The following MADD variants were observed in gnomAD, a reference collection of about 807,000 sequenced individuals.
MADD encodes the protein MAP kinase activating death domain, also known as MAP kinase-activating death domain protein.
Under a neutral mutation model 176.7 loss-of-function variants are expected in MADD, and 109 were observed. The observed-to-expected ratio is 0.62, with a 90% CI of 0.53 to 0.72. The LOEUF is 0.72. Ranked by LOEUF, MADD falls within the 30% of genes least tolerant of loss-of-function variation. The pLI is 0.00. For missense variants in MADD, 1,914 were observed against 2,045.5 expected, an observed-to-expected ratio of 0.94 and a Z score of 1.24; for synonymous variants, 771 against 771.3, an observed-to-expected ratio of 1.00 and a Z score of 0.01.
chr11:47,272,753 G>C (rs698925), intron 1 of MADD, among the ~76,000 whole-genome samples: 151,721 of 152,354 alleles, frequency 1, 75,546 homozygotes, highest in Middle Eastern at 1. Context: ...CTCTGAGCAC[G>C]TCTCCCTGTC....
chr11:47,292,671 T>C, intron 19 of MADD, 75 bp downstream of exon 21: 2 of 1,470,872 alleles, frequency 1.4e-6, no homozygotes, highest in Non-Finnish European at 9.5e-7. Context: ...TGGGGCAGGC[T>C]CCCTTTGTCA....
At position 47,286,914 on chromosome 11, in the gene MADD, A is replaced by G. The variant is rs1164214420; in HGVS notation, c.2653+380A>G. On this transcript the variant is annotated intron_variant, in intron 15 of 32. Transcript: ENST00000402192. Reference sequence around the variant, plus strand: ...CTGGCCCACCAGAGAATGGTTATGGAGAGCCTGGCAGCGTTCATAGAGCAC... The same window carrying G: ...CTGGCCCACCAGAGAATGGTTATGGGGAGCCTGGCAGCGTTCATAGAGCAC... 3.3e-5 allele frequency among the ~76,000 whole-genome samples: 5 copies of G among 152,210 alleles called. No homozygotes were observed. The South Asian group carries it at 6.2e-4, about 19-fold the overall frequency.
Position 47,288,395 on chromosome 11 carries a change from G to C in MADD, c.2654-996G>C, listed in dbSNP as rs545943379. 2.0e-5 allele frequency among the ~76,000 whole-genome samples: 3 copies of C among 152,388 alleles called. No individual in the cohort carries two copies. In the South Asian group the frequency reaches 6.2e-4, roughly 32 times the overall value. On this transcript the variant is annotated intron_variant, in intron 15 of 32. Coordinates refer to ENST00000402192, the Ensembl canonical transcript of MADD. ...GGGCAAAAGGACATCAGAGCTGGCA[G>C]TGAAAGGAGCGAACTAGCACTGCCA... is the stretch of plus-strand genomic sequence containing the variant.
chr11:47,289,578 G>A, intron 16 of MADD, 85 bp downstream of exon 17: 1 of 1,123,048 alleles, frequency 8.9e-7, no homozygotes, highest in Non-Finnish European at 1.4e-6. Flanking sequence ...CTCAAGAGTG[G>A]GAGAGAAGCT....
intron 26 of MADD, among the ~76,000 whole-genome samples, chr11:47,313,035 C>T (rs1380891521): frequency 1.3e-5 from 2 of 152,144 alleles, no homozygotes; most frequent in African/African-American, 4.8e-5. Flanking sequence ...TCAGAGTACC[C>T]AACTGGCAGA....
intron 7 of MADD, 82 bp from the exon 8 acceptor site, chr11:47,281,493 G>A: frequency 8.6e-7 from 1 of 1,167,624 alleles, no homozygotes; most frequent in Non-Finnish European, 1.2e-6. Flanking sequence ...GCAGACCTTA[G>A]GAAGGCCTTT....
intron 27 of MADD, among the ~76,000 whole-genome samples, chr11:47,319,865 G>A (rs189984939): frequency 1.4e-4 from 21 of 151,884 alleles, no homozygotes; most frequent in Non-Finnish European, 1.8e-4. Context: ...TTGGGCAGGC[G>A]CCTGCAATCC....
rs573977651 is a variant in MADD at position 47,311,857 on chromosome 11, C to A, written c.4089+15C>A. 9.6e-6 allele frequency: 15 copies of A among 1,560,412 alleles called. No individual in the cohort carries two copies. The South Asian group carries it at 1.6e-4, about 16-fold the overall frequency. On this transcript the variant is annotated intron_variant, in intron 26 of 32. Transcript: ENST00000402192. ...TGGCGAACCTGGTAAGCACGTCTGGCCACCCCTTAGGCTTCCCCATGGGTC... is the reference window on the plus strand; with the variant it reads ...TGGCGAACCTGGTAAGCACGTCTGGACACCCCTTAGGCTTCCCCATGGGTC...
intron 1 of MADD, chr11:47,271,121 A>T (rs1427217837): frequency 6.6e-6 from 1 of 152,212 alleles, no homozygotes; most frequent in South Asian, 2.1e-4. Context: ...CAGCAGATAG[A>T]TATGCATTTT....
Position 47,292,514 on chromosome 11 carries a change from C to T in MADD, c.3302-1369C>T, listed in dbSNP as rs751745750. 4.3e-6 allele frequency: 7 copies of T among 1,609,786 alleles called. No individual in the cohort carries two copies. In the East Asian group the frequency reaches 6.7e-5, roughly 15 times the overall value. On this transcript the variant is annotated intron_variant, in intron 19 of 32. Coordinates refer to ENST00000402192, the Ensembl canonical transcript of MADD. ...GACCAGCCTCTGACTTTCTGTCTTTCTCTCCTGCTTGCATTGCATCTGGGG... is the reference window on the plus strand; with the variant it reads ...GACCAGCCTCTGACTTTCTGTCTTTTTCTCCTGCTTGCATTGCATCTGGGG...
intron 30 of MADD, among the ~76,000 whole-genome samples, chr11:47,326,006 T>C (rs1187115485): frequency 6.6e-6 from 1 of 152,208 alleles, no homozygotes; most frequent in Non-Finnish European, 1.5e-5. Context: ...GACCTCCTGG[T>C]GGAGCTGTGC....
At chr11:47,290,781 G>A in exon 19 of MADD, 1 of 1,613,368 alleles carries the variant, frequency 6.2e-7, no homozygotes, top group South Asian at 1.1e-5. Context: ...CTGGACACCA[G>A]AAGTTTAAAG....
At position 47,284,396 on chromosome 11, in the gene MADD, C is replaced by T. The variant is rs772422485; in HGVS notation, c.1988C>T (p.Ala663Val). Residue 663 changes from alanine to valine, a missense_variant, in exon 12 of 33, where the codon GCA becomes GTA. Coordinates refer to ENST00000402192, the Ensembl canonical transcript of MADD. ...GCAGATGTGGACCCTCTGACACATG[C>T]AGCACTGGGGGATGCCAGCGAGGTG... 12 of 1,614,120 alleles carry T rather than the reference C, an allele frequency of 7.4e-6. No individual in the cohort carries two copies. The highest frequency in any genetic ancestry group is 1.6e-4 in the Middle Eastern group (1 of 6,062).
intron 19 of MADD, among the ~76,000 whole-genome samples, chr11:47,291,726 T>A: frequency 6.6e-6 from 1 of 152,144 alleles, no homozygotes; most frequent in East Asian, 1.9e-4. Flanking sequence ...GGAGTTTTAG[T>A]CCCATATCAG....
At chr11:47,282,068 C>T (rs2057320297) in intron 8 of MADD, among the ~76,000 whole-genome samples, 1 of 151,974 alleles carries the variant, frequency 6.6e-6, no homozygotes, top group African/African-American at 2.4e-5. Context: ...CTCCTGACCT[C>T]AGTTGATCCA....
rs749770997 is a variant in MADD at position 47,289,423 on chromosome 11, T to G, written c.2686T>G (p.Ser896Ala). The stretch of plus-strand genomic sequence containing the variant: ...GAGGGCGTTAGTGGATCAGAAGTCA[T>G]CTGTCATTAAACACAGCCCAACAGT... The change falls in exon 16 of 33, where the codon TCT becomes GCT. Residue 896 changes from serine (S) to alanine (A), a missense_variant. Ser to Ala is a moderately conservative substitution (Grantham distance 99). This residue lies in a region of MADD where 1,767 missense variants were observed against 1,836.0 expected (regional missense o/e 0.96). Coordinates refer to ENST00000402192, the Ensembl canonical transcript of MADD. The G allele has an allele frequency of 1.9e-6, 3 of 1,614,042 alleles. No individual in the cohort carries two copies. The East Asian group carries it at 6.7e-5, about 36-fold the overall frequency.
chr11:47,288,587 C>G (rs1350863992), intron 15 of MADD, among the ~76,000 whole-genome samples: 1 of 152,224 alleles, frequency 6.6e-6, no homozygotes, highest in South Asian at 2.1e-4. Flanking sequence ...TCCTCATACC[C>G]TGACCCCACT....
intron 27 of MADD, among the ~76,000 whole-genome samples, chr11:47,315,675 A>G (rs900784826): frequency 6.6e-6 from 1 of 151,994 alleles, no homozygotes; most frequent in South Asian, 2.1e-4. Context: ...GGGTTTGATC[A>G]TGTTGGCCAG....
Position 47,323,962 on chromosome 11 carries a change from G to GTCTCCA in MADD, c.4362+127_4362+128insTCTCCA, listed in dbSNP as rs2094994169. The GTCTCCA allele has an allele frequency of 2.8e-6, 3 of 1,078,250 alleles. No individual in the cohort carries two copies. The South Asian group carries it at 4.7e-5, about 17-fold the overall frequency. 66.8% of individuals were successfully genotyped at this position (1,078,250 alleles called of 1,614,324 possible). On this transcript the variant is annotated intron_variant, in intron 28 of 32. Transcript: ENST00000402192. Reference sequence around the variant, plus strand: ...ACACTTCTGTCTCCAGCTGTTGGGTGGAGTACCTAAAGCTGTCTCTGTCAA... The same window carrying GTCTCCA: ...ACACTTCTGTCTCCAGCTGTTGGGTGTCTCCAGAGTACCTAAAGCTGTCTCTGTCAA...
Sources: gnomAD v4.1 joint callset for allele counts (sites outside exome capture counted in the v4.1 genomes callset) on GRCh38, gnomAD v4.1.1 for gene constraint, gnomAD v4.1.1 regional missense constraint, MANE v1.5 for transcripts, NCBI Gene and HGNC (gene_info 2026-07-23, HGNC 2026-07-21) for gene names.